CUX2: variants seen among roughly 807,000 people sequenced by gnomAD.
CUX2 encodes the protein homeobox protein cut-like 2.
A neutral mutation model predicts 144.8 loss-of-function variants in CUX2; 40 were observed. The observed-to-expected ratio is 0.28, with a 90% confidence interval of 0.21 to 0.36. CUX2 has a LOEUF of 0.36. Ranked by LOEUF, CUX2 falls within the 10% of genes least tolerant of loss-of-function variation. The pLI is 1.00. For synonymous variants in CUX2, 827 were observed against 875.6 expected (o/e 0.94, Z 0.98); for missense variants, 1,615 against 1,994.0 (o/e 0.81, Z 3.62).
chr12:111,216,520 G>A (rs1212423400), intron 2 of CUX2, among the ~76,000 whole-genome samples: 1 of 152,152 alleles, frequency 6.6e-6, no homozygotes, highest in Non-Finnish European at 1.5e-5. Flanking sequence ...GAGAATATTT[G>A]GTAGATTGTG....
chr12:111,199,909 CAG>C lies in CUX2; in HGVS notation c.64-14288_64-14287del, dbSNP rs141520720. Among the ~76,000 whole-genome samples the C allele has an allele frequency of 8.8e-3, 1,345 of 152,124 alleles. 22 individuals carry two copies. The highest frequency in any genetic ancestry group is 0.031 in the African/African-American group (1,295 of 41,470). On this transcript the variant is annotated intron_variant, in intron 1 of 21. Coordinates refer to ENST00000261726, the MANE Select transcript of CUX2 (RefSeq NM_015267.4). ...GTGTCTGTGTGTCCATCTACAGTCA[CAG>C]AGGAAAAAGCCCGCAGGAAGGCTCT...
At chr12:111,291,071 G>A (rs1024407295) in intron 4 of CUX2, among the ~76,000 whole-genome samples, 3 of 149,548 alleles carry the variant, frequency 2.0e-5, no homozygotes, top group Non-Finnish European at 4.5e-5. Flanking sequence ...CACCATGTTG[G>A]TCAGGCTGGT....
chr12:111,296,546 G>T lies in CUX2; in HGVS notation c.704+7G>T, dbSNP rs749324665. 1.2e-6 allele frequency: 2 copies of T among 1,608,578 alleles called. No homozygotes were observed. The highest frequency in any genetic ancestry group is 1.1e-5 in the South Asian group (1 of 90,000). ...ACGAGGAGGCAGCATCCAAGTAAGT[G>T]AGCCCTGCTGAGGTGTACCTCCTCC... On this transcript the variant is annotated splice_region_variant and intron_variant, in intron 8 of 21. Transcript: ENST00000261726.
chr12:111,269,225 C>T (rs990638787), intron 4 of CUX2, among the ~76,000 whole-genome samples: 4 of 152,140 alleles, frequency 2.6e-5, no homozygotes, highest in African/African-American at 7.2e-5. Context: ...CACCAGGCCT[C>T]GGACTAAATC....
chr12:111,345,540 G>C (rs1184734545), intron 21 of CUX2, among the ~76,000 whole-genome samples: 2 of 150,486 alleles, frequency 1.3e-5, no homozygotes, highest in South Asian at 2.1e-4. Flanking sequence ...TCAGGAGATC[G>C]AGACCATCCT....
rs1565941574 is a variant in CUX2 at position 111,350,371 on chromosome 12, C to T, written c.*2046C>T. ...AGTATAGTCTTTTGAACACGGAAAT[C>T]CTGTTGTACTTAAAGCTAGCGGACC... On this transcript the variant is annotated 3_prime_UTR_variant, in exon 22 of 22. Coordinates refer to ENST00000261726, the MANE Select transcript of CUX2 (RefSeq NM_015267.4). 1 of 152,376 alleles carries T rather than the reference C, an allele frequency of 6.6e-6. No homozygotes were observed. Among genetic ancestry groups the T allele is most frequent in the Non-Finnish European group, 1.5e-5 (1 of 68,034 alleles). The allele number at this position is 152,376 out of a possible 1,614,324, so 9.4% of individuals were successfully genotyped here. A position where few individuals can be genotyped will look rare whatever the true frequency, so the allele number is the denominator to read the frequency against.
At chr12:111,300,588 G>A (rs1216252261) in intron 9 of CUX2, among the ~76,000 whole-genome samples, 1 of 152,138 alleles carries the variant, frequency 6.6e-6, no homozygotes, top group Non-Finnish European at 1.5e-5. Flanking sequence ...CTAACCCAGG[G>A]GAGGGCAAAC....
At chr12:111,166,643 C>T (rs1408751186) in intron 1 of CUX2, among the ~76,000 whole-genome samples, 1 of 152,208 alleles carries the variant, frequency 6.6e-6, no homozygotes, top group Non-Finnish European at 1.5e-5. Flanking sequence ...AGGCTTTGAA[C>T]CCTCGCATTT....
intron 1 of CUX2, among the ~76,000 whole-genome samples, chr12:111,064,887 G>T (rs1230554199): frequency 6.6e-6 from 1 of 152,194 alleles, no homozygotes. Flanking sequence ...CCAATGCCCG[G>T]CATACAGTAC....
intron 1 of CUX2, among the ~76,000 whole-genome samples, chr12:111,124,495 C>T (rs7962948): frequency 0.12 from 18,769 of 152,142 alleles, 3,947 homozygotes; most frequent in African/African-American, 0.43. Flanking sequence ...ATTGGGGCTC[C>T]TATGACCTAC....
intron 1 of CUX2, among the ~76,000 whole-genome samples, chr12:111,143,373 G>A (rs931138416): frequency 6.6e-6 from 1 of 152,170 alleles, no homozygotes; most frequent in African/African-American, 2.4e-5. Context: ...CATCAAGGAG[G>A]TGCCCATTTT....
At chr12:111,153,193 G>A (rs774913734) in intron 1 of CUX2, among the ~76,000 whole-genome samples, 1 of 152,108 alleles carries the variant, frequency 6.6e-6, no homozygotes, top group Non-Finnish European at 1.5e-5. Context: ...GCTATTGGGC[G>A]CCTGCTGAAT....
chr12:111,182,335 T>C (rs1481792199), intron 1 of CUX2, among the ~76,000 whole-genome samples: 4 of 152,054 alleles, frequency 2.6e-5, no homozygotes, highest in Admixed American at 2.6e-4. Context: ...ACCTGAAGAG[T>C]GGGCTCCAGG....
At position 111,308,424 on chromosome 12, in the gene CUX2, T is replaced by C; in HGVS notation, c.1159-3T>C. On this transcript the variant is annotated splice_region_variant and splice_polypyrimidine_tract_variant and intron_variant, in intron 13 of 21. Coordinates refer to ENST00000261726, the MANE Select transcript of CUX2 (RefSeq NM_015267.4). ...CCCTCTCAACCTGCCTCTTGTCTCC[T>C]AGGGCATGGCCAAGCCTGAAGACTC... 1 of 1,614,122 alleles carries C rather than the reference T, an allele frequency of 6.2e-7. No individual in the cohort carries two copies. Among genetic ancestry groups the C allele is most frequent in the Non-Finnish European group, 8.5e-7 (1 of 1,179,990 alleles).
chr12:111,144,794 G>A (rs1369885206), intron 1 of CUX2, among the ~76,000 whole-genome samples: 2 of 152,188 alleles, frequency 1.3e-5, no homozygotes, highest in African/African-American at 2.4e-5. Flanking sequence ...ATTGGGGGCC[G>A]GGGAGGGGGT....
rs1362704412 is a variant in CUX2, at chr12:111,295,739, A to G, written c.637+330A>G. On this transcript the variant is annotated intron_variant, in intron 7 of 21. Coordinates refer to ENST00000261726, the MANE Select transcript of CUX2 (RefSeq NM_015267.4). This position sits in a 1 kb window ranked among gnomAD's most constrained non-coding sequence, Gnocchi z 5.0. ...TTGAGACCAGCCTGGGCAACATGGC[A>G]AGACCCTGTCTCTAATTAATTAATT... 6.7e-6 allele frequency among the ~76,000 whole-genome samples: 1 copy of G among 148,570 alleles called. No homozygotes were observed. The highest frequency in any genetic ancestry group is 6.6e-5 in the Admixed American group (1 of 15,038).
Position 111,160,541 on chromosome 12 carries a change from AG to A in CUX2, c.64-53654del, listed in dbSNP as rs567279195. On this transcript the variant is annotated intron_variant, in intron 1 of 21. Transcript: ENST00000261726. The surrounding 1 kb of genome is among the most constrained non-coding windows in gnomAD (Gnocchi z 4.1). ...CAAGAACTCGCGTGACCCGGCACAG[AG>A]GGGGCGCGAGATGCGAGCAGGGAGC... Among the ~76,000 whole-genome samples the A allele has an allele frequency of 1.9e-4, 29 of 152,080 alleles. No homozygotes were observed. The highest frequency in any genetic ancestry group is 3.8e-4 in the Non-Finnish European group (26 of 68,022).
chr12:111,286,766 G>A (rs565770783), intron 4 of CUX2, among the ~76,000 whole-genome samples: 2 of 152,252 alleles, frequency 1.3e-5, no homozygotes, highest in Admixed American at 6.5e-5. Context: ...CTACTCGGGA[G>A]GCTAAGGCAG....
intron 1 of CUX2, among the ~76,000 whole-genome samples, chr12:111,164,959 G>T (rs1353697436): frequency 1.3e-5 from 2 of 152,210 alleles, no homozygotes; most frequent in African/African-American, 2.4e-5. Flanking sequence ...CCATGGGGGG[G>T]AGAGGAGGAG....
Sources: gnomAD v4.1 joint callset for allele counts (sites outside exome capture counted in the v4.1 genomes callset) on GRCh38, gnomAD v4.1.1 for gene constraint, Gnocchi (gnomAD v3.1) non-coding constraint, MANE v1.5 for transcripts, NCBI Gene and HGNC (gene_info 2026-07-23, HGNC 2026-07-21) for gene names.